IQCB1: variants seen among roughly 807,000 people sequenced by gnomAD.
IQCB1 encodes the protein IQ motif containing B1.
A neutral mutation model predicts 84.4 loss-of-function variants in IQCB1; 56 were observed. The ratio of observed to expected loss-of-function variants is 0.66; its 90% CI spans 0.54 to 0.83. The LOEUF is 0.83. Ranked by LOEUF, IQCB1 falls within the 40% of genes least tolerant of loss-of-function variation. The pLI, the probability that IQCB1 is intolerant of heterozygous loss-of-function variation, is 0.00. For synonymous variants in IQCB1, 210 were observed against 234.8 expected (o/e 0.89, Z 0.96); for missense variants, 629 against 682.1 (o/e 0.92, Z 0.87).
intron 12 of IQCB1, among the ~76,000 whole-genome samples, chr3:121,783,695 T>G (rs1383984158): frequency 6.6e-6 from 1 of 152,336 alleles, no homozygotes; most frequent in East Asian, 1.9e-4. Context: ...TAATTTGGAT[T>G]GACTGCTCTC....
chr3:121,782,851 TG>T (rs1428312636), intron 12 of IQCB1, among the ~76,000 whole-genome samples: 3 of 152,184 alleles, frequency 2.0e-5, no homozygotes, highest in African/African-American at 4.8e-5. Context: ...AGCTAATTTT[TG>T]TATTTTTTAG....
intron 14 of IQCB1, 111 bp downstream of exon 14, chr3:121,772,446 T>C (rs906543720): frequency 4.9e-5 from 52 of 1,059,236 alleles, no homozygotes; most frequent in Non-Finnish European, 6.7e-5. Context: ...TTCCTGAGGT[T>C]AGGGGATGAG....
chr3:121,797,415 T>A (rs1949242200), intron 8 of IQCB1, among the ~76,000 whole-genome samples, 188 bp from the exon 9 acceptor site: 1 of 149,188 alleles, frequency 6.7e-6, no homozygotes, highest in Non-Finnish European at 1.5e-5. Flanking sequence ...TATTCCTCCC[T>A]CCTGAGAATT....
Position 121,831,371 on chromosome 3 carries a change from T to G in IQCB1, c.-12-2399A>C, listed in dbSNP as rs551602341. Reference sequence around the variant, plus strand: ...GTATTTTTAGTAGAGACAGGGTTTCTCCATGTTGCCCAGGGTCTCTGTAAT... The same window carrying G: ...GTATTTTTAGTAGAGACAGGGTTTCGCCATGTTGCCCAGGGTCTCTGTAAT... On this transcript the variant is annotated intron_variant, in intron 2 of 14. Coordinates refer to ENST00000310864, the MANE Select transcript of IQCB1 (RefSeq NM_001023570.4). 2.0e-5 allele frequency among the ~76,000 whole-genome samples: 3 copies of G among 152,056 alleles called. No homozygotes were observed. The South Asian group carries it at 6.2e-4, about 32-fold the overall frequency.
At chr3:121,809,054 TCC>T in intron 5 of IQCB1, 45 bp from the exon 6 acceptor site, 1 of 1,218,906 alleles carries the variant, frequency 8.2e-7, no homozygotes, top group Non-Finnish European at 1.2e-6. Flanking sequence ...ATAGTTTTTT[TCC>T]TTTTTTTTTT....
At chr3:121,779,092 T>A (rs538726817) in intron 13 of IQCB1, among the ~76,000 whole-genome samples, 2 of 152,094 alleles carry the variant, frequency 1.3e-5, no homozygotes, top group Non-Finnish European at 2.9e-5. Flanking sequence ...TATAAAAATT[T>A]TTTTTTGTTT....
At chr3:121,807,017 T>C (rs765749022) in intron 7 of IQCB1, among the ~76,000 whole-genome samples, 1 of 152,002 alleles carries the variant, frequency 6.6e-6, no homozygotes, top group Non-Finnish European at 1.5e-5. Flanking sequence ...TTTCTTCAGA[T>C]TATCACACTA....
intron 13 of IQCB1, among the ~76,000 whole-genome samples, chr3:121,779,323 T>C (rs1366599464): frequency 6.6e-6 from 1 of 152,152 alleles, no homozygotes; most frequent in Middle Eastern, 3.2e-3. Context: ...TTCAAATATT[T>C]TTCTCTTTTT....
intron 8 of IQCB1, among the ~76,000 whole-genome samples, chr3:121,797,488 T>TAAAA (rs11288085): frequency 7.5e-6 from 1 of 133,640 alleles, no homozygotes; most frequent in African/African-American, 2.7e-5. Context: ...ATCTCTTTAA[T>TAAAA]AAAAAAAAAA....
chr3:121,794,294 CTTCT>C (rs1949099213), intron 10 of IQCB1, among the ~76,000 whole-genome samples: 1 of 151,790 alleles, frequency 6.6e-6, no homozygotes, highest in Non-Finnish European at 1.5e-5. Flanking sequence ...TGCATTTTTC[CTTCT>C]ATCATTTTTT....
At chr3:121,778,589 T>C (rs1383645193) in intron 13 of IQCB1, among the ~76,000 whole-genome samples, 7 of 152,062 alleles carry the variant, frequency 4.6e-5, no homozygotes, top group Non-Finnish European at 1.0e-4. Flanking sequence ...TTGACAACTT[T>C]TTTTCCTTTC....
At chr3:121,825,949 TTTAA>T in intron 5 of IQCB1, 98 bp downstream of exon 5, 1 of 1,128,340 alleles carries the variant, frequency 8.9e-7, no homozygotes, top group Non-Finnish European at 1.3e-6. Flanking sequence ...AATTCACTAC[TTTAA>T]TTGTACTTTC....
At chr3:121,826,889 C>G (rs1488798057) in intron 4 of IQCB1, among the ~76,000 whole-genome samples, 2 of 152,132 alleles carry the variant, frequency 1.3e-5, no homozygotes, top group Non-Finnish European at 2.9e-5. Flanking sequence ...CAAGAATGGT[C>G]TCTATGTGTG....
chr3:121,827,287 G>A (rs1459036315), intron 4 of IQCB1, among the ~76,000 whole-genome samples: 4 of 151,908 alleles, frequency 2.6e-5, no homozygotes, highest in African/African-American at 9.7e-5. Context: ...AAACCTAAGT[G>A]GATAATATTT....
intron 5 of IQCB1, among the ~76,000 whole-genome samples, chr3:121,815,748 AAATAACAGAGGACAC>A (rs1950026237): frequency 7.1e-6 from 1 of 140,178 alleles, no homozygotes; most frequent in Non-Finnish European, 1.5e-5. Flanking sequence ...CTGCTCAAGG[AAATAACAGAGGACAC>A]AAACAAATGG....
intron 2 of IQCB1, among the ~76,000 whole-genome samples, chr3:121,831,189 G>C (rs575760664): frequency 2.6e-5 from 1 of 39,202 alleles, no homozygotes; most frequent in Non-Finnish European, 5.7e-5. Flanking sequence ...ATTTTTTTTT[G>C]GAGACAGGAT....
At chr3:121,779,649 C>T (rs1948389974) in intron 13 of IQCB1, among the ~76,000 whole-genome samples, 1 of 152,174 alleles carries the variant, frequency 6.6e-6, no homozygotes, top group South Asian at 2.1e-4. Flanking sequence ...TGTTTTCCTA[C>T]TTCCATGCAT....
At chr3:121,805,446 T>A (rs898499157) in intron 7 of IQCB1, among the ~76,000 whole-genome samples, 1 of 152,196 alleles carries the variant, frequency 6.6e-6, no homozygotes, top group African/African-American at 2.4e-5. Context: ...GGATAGCCAT[T>A]TCTAGTGAAC....
At chr3:121,773,313 TAAAAAAA>T (rs57716745) in intron 13 of IQCB1, among the ~76,000 whole-genome samples, 3 of 104,418 alleles carry the variant, frequency 2.9e-5, no homozygotes, top group Non-Finnish European at 5.5e-5. Flanking sequence ...GACTCTGCCT[TAAAAAAA>T]AAAAAAAAAA....
Sources: gnomAD v4.1 joint callset for allele counts (sites outside exome capture counted in the v4.1 genomes callset) on GRCh38, gnomAD v4.1.1 for gene constraint, MANE v1.5 for transcripts, NCBI Gene and HGNC (gene_info 2026-07-23, HGNC 2026-07-21) for gene names.